Variants in PAX3 observed in about 807,000 individuals in gnomAD.
The protein encoded by PAX3 is paired box 3, also known as paired box protein Pax-3.
Under a neutral mutation model 51.6 loss-of-function variants are expected in PAX3, and 14 were observed. The ratio of observed to expected loss-of-function variants is 0.27; its 90% CI spans 0.18 to 0.42. The LOEUF is 0.42. PAX3 is among the 10% of genes least tolerant of loss of function. The pLI is 1.00. For missense variants in PAX3, 540 were observed against 642.8 expected (o/e 0.84, Z 1.73); for synonymous variants, 280 against 253.4 (o/e 1.11, Z -1.00).
chr2:222,239,490 T>C (rs1692925934), intron 4 of PAX3, among the ~76,000 whole-genome samples: 1 of 152,076 alleles, frequency 6.6e-6, no homozygotes, highest in African/African-American at 2.4e-5. Flanking sequence ...TATTTTAAAA[T>C]TGTATATATG....
rs1345817294 is a variant in PAX3 at position 222,298,874 on chromosome 2, C to T, written c.-259G>A. Reference sequence around the variant, plus strand: ...CAGGGCGGAAAAGTTTGGTACGAGTCTGGGCAAATGTTCCAGCGACTGGGG... The same window carrying T: ...CAGGGCGGAAAAGTTTGGTACGAGTTTGGGCAAATGTTCCAGCGACTGGGG... On this transcript the variant is annotated 5_prime_UTR_variant, in exon 1 of 9. Transcript: ENST00000392070. 1 of 573,598 alleles carries T rather than the reference C, an allele frequency of 1.7e-6. No individual in the cohort carries two copies. The highest frequency in any genetic ancestry group is 1.9e-5 in the African/African-American group (1 of 53,456). 35.5% of individuals were successfully genotyped at this position (573,598 alleles called of 1,614,324 possible).
At chr2:222,290,267 C>CG (rs1297952360) in intron 4 of PAX3, among the ~76,000 whole-genome samples, 1 of 152,182 alleles carries the variant, frequency 6.6e-6, no homozygotes, top group African/African-American at 2.4e-5. Context: ...AAGCTGAAGT[C>CG]GTCCTCGTTA....
intron 4 of PAX3, chr2:222,242,562 A>G (rs1481047683): frequency 2.6e-5 from 4 of 152,186 alleles, no homozygotes; most frequent in African/African-American, 9.7e-5. Flanking sequence ...TTACCCTAAT[A>G]TAAAATCATA....
chr2:222,218,618 A>G (rs921404717), intron 7 of PAX3, among the ~76,000 whole-genome samples: 4 of 152,214 alleles, frequency 2.6e-5, no homozygotes, highest in Non-Finnish European at 5.9e-5. Flanking sequence ...AAGTTGTGGA[A>G]GAAGCTCATA....
chr2:222,240,613 A>G (rs1692975793), intron 4 of PAX3, among the ~76,000 whole-genome samples: 1 of 151,990 alleles, frequency 6.6e-6, no homozygotes, highest in Non-Finnish European at 1.5e-5. Context: ...TTTTTCAACC[A>G]CTCATACAAG....
chr2:222,262,883 C>T (rs889097295), intron 4 of PAX3: 13 of 152,182 alleles, frequency 8.5e-5, no homozygotes, highest in South Asian at 4.1e-4. Context: ...GAGAAAGGAA[C>T]GACTTTTCAA....
intron 3 of PAX3, among the ~76,000 whole-genome samples, 161 bp downstream of exon 3, chr2:222,295,367 A>G (rs1695239509): frequency 1.3e-5 from 2 of 152,028 alleles, no homozygotes; most frequent in African/African-American, 4.8e-5. Flanking sequence ...CTCCCTCCAT[A>G]AAGTGCCAAG....
At chr2:222,296,127 G>T (rs899283900) in intron 2 of PAX3, among the ~76,000 whole-genome samples, 12 of 152,306 alleles carry the variant, frequency 7.9e-5, no homozygotes, top group African/African-American at 1.2e-4. Flanking sequence ...ATGTATTTGG[G>T]TTTTTAAAAC....
At chr2:222,234,872 A>G (rs566882036) in intron 4 of PAX3, among the ~76,000 whole-genome samples, 2 of 152,338 alleles carry the variant, frequency 1.3e-5, no homozygotes, top group East Asian at 3.9e-4. Context: ...AAATTTCCAT[A>G]AAATATTTTC....
chr2:222,282,933 G>A (rs1161141681), intron 4 of PAX3, among the ~76,000 whole-genome samples: 1 of 152,206 alleles, frequency 6.6e-6, no homozygotes, highest in Non-Finnish European at 1.5e-5. Context: ...AGGGATAGGA[G>A]AAAACGTATC....
chr2:222,232,274 G>C lies in PAX3; in HGVS notation c.596C>G (p.Pro199Arg), dbSNP rs762351099. 6.2e-7 allele frequency: 1 copy of C among 1,613,718 alleles called. No individual in the cohort carries two copies. The highest frequency in any genetic ancestry group is 8.5e-7 in the Non-Finnish European group (1 of 1,179,778). The change falls in exon 5 of 9, where the codon CCC (proline) becomes CGC (arginine). Residue 199 changes from proline (P) to arginine (R), a missense_variant. Physicochemically the swap from Pro to Arg is moderately radical, Grantham distance 103. Coordinates refer to ENST00000392070, the MANE Select transcript of PAX3 (RefSeq NM_181458.4). The stretch of plus-strand genomic sequence containing the variant: ...AATATCAGAGCCTTCATCTGATTGG[G>C]GTGCTGAGGCTAAAAGCACAGAAGA... The part of the protein sequence containing the change: ...DGILSERASA[P>R]QSDEGSDIDS...
At chr2:222,252,597 T>C (rs1442044526) in intron 4 of PAX3, among the ~76,000 whole-genome samples, 1 of 152,146 alleles carries the variant, frequency 6.6e-6, no homozygotes, top group Admixed American at 6.5e-5. Context: ...ACTCCCATTA[T>C]CCACAGCATA....
intron 4 of PAX3, among the ~76,000 whole-genome samples, chr2:222,252,389 T>C (rs758005618): frequency 2.0e-5 from 3 of 152,204 alleles, no homozygotes; most frequent in Non-Finnish European, 4.4e-5. Context: ...ATCAACATTA[T>C]TATTATACCC....
intron 5 of PAX3, among the ~76,000 whole-genome samples, chr2:222,226,108 G>C (rs764160788): frequency 1.3e-5 from 2 of 152,162 alleles, no homozygotes; most frequent in Non-Finnish European, 2.9e-5. Flanking sequence ...ATTCAAGACG[G>C]ATTACTTCAA....
At chr2:222,229,065 T>A (rs1692486700) in intron 5 of PAX3, among the ~76,000 whole-genome samples, 1 of 152,064 alleles carries the variant, frequency 6.6e-6, no homozygotes, top group African/African-American at 2.4e-5. Context: ...GGACCTCACA[T>A]AACATTTGCA....
intron 4 of PAX3, among the ~76,000 whole-genome samples, chr2:222,245,938 G>A (rs1315532528): frequency 1.3e-5 from 2 of 152,110 alleles, no homozygotes; most frequent in African/African-American, 2.4e-5. Context: ...TTGAAATCAT[G>A]CCACTGCATT....
chr2:222,217,328 T>C (rs1160614782), intron 7 of PAX3, among the ~76,000 whole-genome samples: 1 of 152,088 alleles, frequency 6.6e-6, no homozygotes, highest in African/African-American at 2.4e-5. Context: ...AAAAAACTAG[T>C]CTCTACTAAA....
At position 222,294,808 on chromosome 2, in the gene PAX3, CTTT is replaced by C. The variant is rs11347336; in HGVS notation, c.452-510_452-508del. On this transcript the variant is annotated intron_variant, in intron 3 of 8. Transcript: ENST00000392070. ...AAGTTTCTTTTTTTTCCTTTCTTCC[CTTT>C]TTTTTTTTTTTTTAAGGCTATAAAG... 4.1e-3 allele frequency among the ~76,000 whole-genome samples: 454 copies of C among 111,274 alleles called. 1 individual carries two copies. Among genetic ancestry groups the C allele is most frequent in the African/African-American group, 0.014 (420 of 29,340 alleles). The allele number at this position is 111,274 out of a possible 152,430, so 73.0% of individuals were successfully genotyped here. A position where few individuals can be genotyped will look rare whatever the true frequency, so the allele number is the denominator to read the frequency against.
chr2:222,209,095 T>C (rs959607793), intron 7 of PAX3, among the ~76,000 whole-genome samples: 1 of 152,172 alleles, frequency 6.6e-6, no homozygotes, highest in South Asian at 2.1e-4. Flanking sequence ...CTATATATAC[T>C]ATATTCCCAT....
Sources: gnomAD v4.1 joint callset for allele counts (sites outside exome capture counted in the v4.1 genomes callset) on GRCh38, gnomAD v4.1.1 for gene constraint, MANE v1.5 for transcripts, NCBI Gene and HGNC (gene_info 2026-07-23, HGNC 2026-07-21) for gene names.